Variants in SYNJ2BP observed in about 807,000 individuals in gnomAD.
SYNJ2BP encodes the protein synaptojanin 2 binding protein, also known as synaptojanin-2-binding protein.
Under a neutral mutation model 16.9 loss-of-function variants are expected in SYNJ2BP, and 10 were observed. That is an observed-to-expected ratio of 0.59 (90% confidence interval 0.36 to 1.00). The LOEUF is 1.00. SYNJ2BP is among the 50% of genes least tolerant of loss of function. The pLI is 0.01. For missense variants in SYNJ2BP, 162 were observed against 186.7 expected, an observed-to-expected ratio of 0.87 and a Z score of 0.77; for synonymous variants, 54 against 68.4, an observed-to-expected ratio of 0.79 and a Z score of 1.04.
chr14:70,384,488 TC>T (rs1322337920), intron 2 of SYNJ2BP, among the ~76,000 whole-genome samples: 1 of 35,250 alleles, frequency 2.8e-5, no homozygotes, highest in Admixed American at 2.3e-4. Flanking sequence ...GAATACGATG[TC>T]ACGGGTAAGT....
chr14:70,375,721 G>A lies in SYNJ2BP; in HGVS notation c.252C>T (p.Leu84=). 1 of 1,614,154 alleles carries A rather than the reference G, an allele frequency of 6.2e-7. No homozygotes were observed. ...KNLLHQDAVD[L]FRNAGYAVSL... is the part of the protein sequence containing the mutation. ...ACACAGCATAGCCTGCATTACGAAA[G>A]AGGTCTACAGCATCCTGGTGCAGCA... Residue 84 remains leucine (L), a synonymous_variant, in exon 3 of 4, where the codon CTC becomes CTT. Coordinates refer to ENST00000256366, the MANE Select transcript of SYNJ2BP (RefSeq NM_018373.3).
At chr14:70,402,814 AG>A (rs1888269171) in intron 1 of SYNJ2BP, among the ~76,000 whole-genome samples, 1 of 152,226 alleles carries the variant, frequency 6.6e-6, no homozygotes, top group African/African-American at 2.4e-5. Flanking sequence ...ACAAGATTAT[AG>A]TCTCCAAAAT....
Position 70,372,254 on chromosome 14 carries a change from G to A in SYNJ2BP, c.*737C>T, listed in dbSNP as rs1013240126. ...CCAAAGTGCTGGGATTTACAGGCAT[G>A]AGCCACCTCTCCCAGTCTCAGTTAT... On this transcript the variant is annotated 3_prime_UTR_variant, in exon 4 of 4. Transcript: ENST00000256366. 1 of 152,136 alleles carries A rather than the reference G, an allele frequency of 6.6e-6. No homozygotes were observed. Among genetic ancestry groups the A allele is most frequent in the Admixed American group, 6.6e-5 (1 of 15,264 alleles). 9.4% of individuals were successfully genotyped at this position (152,136 alleles called of 1,614,324 possible).
rs1887476481 is a variant in SYNJ2BP at position 70,369,730 on chromosome 14, T to A, written c.*3261A>T. ...GGCTAGATGGAACAATTAAGTTAAA[T>A]CGATAACACATAAGTTGAAACTTCA... is the stretch of plus-strand genomic sequence containing the variant. On this transcript the variant is annotated 3_prime_UTR_variant, in exon 4 of 4. Transcript: ENST00000256366. 1 of 152,228 alleles carries A rather than the reference T, an allele frequency of 6.6e-6. No individual in the cohort carries two copies. Among genetic ancestry groups the A allele is most frequent in the Non-Finnish European group, 1.5e-5 (1 of 68,046 alleles). 9.4% of individuals were successfully genotyped at this position (152,228 alleles called of 1,614,324 possible). A position where few individuals can be genotyped will look rare whatever the true frequency, so the allele number is the denominator to read the frequency against.
chr14:70,370,428 C>G lies in SYNJ2BP; in HGVS notation c.*2563G>C, dbSNP rs900441146. On this transcript the variant is annotated 3_prime_UTR_variant, in exon 4 of 4. Coordinates refer to ENST00000256366, the MANE Select transcript of SYNJ2BP (RefSeq NM_018373.3). Reference sequence around the variant, plus strand: ...TGTCCGTGTTTTTCTGTGGAACCTACAATGAGTCCAGTTGTCTAAGTGAGT... The same window carrying G: ...TGTCCGTGTTTTTCTGTGGAACCTAGAATGAGTCCAGTTGTCTAAGTGAGT... The G allele has an allele frequency of 6.6e-6, 1 of 152,164 alleles. No individual in the cohort carries two copies. The highest frequency in any genetic ancestry group is 1.5e-5 in the Non-Finnish European group (1 of 68,024). The allele number at this position is 152,164 out of a possible 1,614,324, so 9.4% of individuals were successfully genotyped here.
intron 1 of SYNJ2BP, among the ~76,000 whole-genome samples, chr14:70,411,704 C>T (rs567622568): frequency 7.0e-4 from 107 of 152,338 alleles, no homozygotes; most frequent in African/African-American, 2.4e-3. Context: ...ACAAGTTCCA[C>T]GTTCTTTTAA....
intron 2 of SYNJ2BP, among the ~76,000 whole-genome samples, chr14:70,387,064 G>A (rs1037470296): frequency 1.3e-4 from 20 of 152,070 alleles, no homozygotes; most frequent in African/African-American, 4.6e-4. Context: ...ATAGGGCTCC[G>A]AAGCCCTATC....
chr14:70,412,522 G>GTATATATGTATGTATAGTATATATACGTA (rs1888499526), intron 1 of SYNJ2BP, among the ~76,000 whole-genome samples: 1 of 7,384 alleles, frequency 1.4e-4, no homozygotes, highest in Non-Finnish European at 5.3e-4. Context: ...TATATATACA[G>GTATATATGTATGTATAGTATATATACGTA]TATATATGTA....
At chr14:70,397,755 G>A (rs1888133529) in intron 1 of SYNJ2BP, among the ~76,000 whole-genome samples, 1 of 152,208 alleles carries the variant, frequency 6.6e-6, no homozygotes, top group South Asian at 2.1e-4. Flanking sequence ...CCCACAATGT[G>A]GCAAGCAAGG....
rs1887537642 is a variant in SYNJ2BP, at chr14:70,372,502, T to G, written c.*489A>C. 6.3e-6 allele frequency: 1 copy of G among 157,712 alleles called. No homozygotes were observed. Among genetic ancestry groups the G allele is most frequent in the African/African-American group, 2.4e-5 (1 of 41,488 alleles). The allele number at this position is 157,712 out of a possible 1,614,324, so 9.8% of individuals were successfully genotyped here. A position where few individuals can be genotyped will look rare whatever the true frequency, so the allele number is the denominator to read the frequency against. Reference sequence around the variant, plus strand: ...ATGTGTATATATGTATTTGCTTTTTTAAAAAAGTAAAAATGCTCTTCTCAC... The same window carrying G: ...ATGTGTATATATGTATTTGCTTTTTGAAAAAAGTAAAAATGCTCTTCTCAC... On this transcript the variant is annotated 3_prime_UTR_variant, in exon 4 of 4. Coordinates refer to ENST00000256366, the MANE Select transcript of SYNJ2BP (RefSeq NM_018373.3).
At chr14:70,395,377 T>C (rs1279059715) in intron 1 of SYNJ2BP, among the ~76,000 whole-genome samples, 1 of 152,270 alleles carries the variant, frequency 6.6e-6, no homozygotes, top group African/African-American at 2.4e-5. Context: ...TGTTGAGTTA[T>C]GAAGACTAGA....
intron 1 of SYNJ2BP, among the ~76,000 whole-genome samples, chr14:70,389,101 C>A (rs2140834452): frequency 1.3e-5 from 2 of 152,038 alleles, no homozygotes; most frequent in Admixed American, 1.3e-4. Flanking sequence ...AGCCACCATG[C>A]CCAGCCTAGA....
chr14:70,389,495 C>A (rs1419767113), intron 1 of SYNJ2BP, among the ~76,000 whole-genome samples: 1 of 151,232 alleles, frequency 6.6e-6, no homozygotes, highest in African/African-American at 2.4e-5. Context: ...CAAATTTACT[C>A]TCCCTTCCTT....
chr14:70,406,765 C>A (rs1888353550), intron 1 of SYNJ2BP, among the ~76,000 whole-genome samples: 1 of 152,150 alleles, frequency 6.6e-6, no homozygotes, highest in South Asian at 2.1e-4. Context: ...GATTTCTTCT[C>A]TGACCTGACC....
chr14:70,412,650 A>G (rs1888513465), intron 1 of SYNJ2BP, among the ~76,000 whole-genome samples: 1 of 148,780 alleles, frequency 6.7e-6, no homozygotes. Context: ...ACTACCGGAA[A>G]GACAATACCT....
rs1887471583 is a variant in SYNJ2BP at position 70,369,504 on chromosome 14, G to T, written c.*3487C>A. 2 of 152,196 alleles carry T rather than the reference G, an allele frequency of 1.3e-5. No individual in the cohort carries two copies. The allele number at this position is 152,196 out of a possible 1,614,324, so 9.4% of individuals were successfully genotyped here. The stretch of plus-strand genomic sequence containing the variant: ...AATATCATTGATGCTGGCATCTGAA[G>T]TCCTGAGTTTAAATCCTGATTCTAT... On this transcript the variant is annotated 3_prime_UTR_variant, in exon 4 of 4. Coordinates refer to ENST00000256366, the MANE Select transcript of SYNJ2BP (RefSeq NM_018373.3).
At chr14:70,400,132 C>T (rs1888203918) in intron 1 of SYNJ2BP, among the ~76,000 whole-genome samples, 3 of 152,228 alleles carry the variant, frequency 2.0e-5, no homozygotes, top group African/African-American at 7.2e-5. Context: ...TTCACAATCT[C>T]CAAAGTTATC....
chr14:70,403,614 T>C (rs1888286536), intron 1 of SYNJ2BP, among the ~76,000 whole-genome samples: 1 of 152,154 alleles, frequency 6.6e-6, no homozygotes, highest in Non-Finnish European at 1.5e-5. Flanking sequence ...GCCATGGCAA[T>C]GTCAGGAAAT....
chr14:70,388,691 C>A, intron 1 of SYNJ2BP, 85 bp from the exon 2 acceptor site: 1 of 1,381,904 alleles, frequency 7.2e-7, no homozygotes, highest in Non-Finnish European at 9.4e-7. Flanking sequence ...GGAGGGAAAG[C>A]CTACTGGGGA....
Sources: allele counts gnomAD v4.1 joint callset (sites outside exome capture counted in the v4.1 genomes callset), GRCh38; gene constraint gnomAD v4.1.1; transcripts MANE v1.5; gene names NCBI Gene and HGNC (gene_info 2026-07-23, HGNC 2026-07-21).